CACNA2D3: variants seen among roughly 807,000 people sequenced by gnomAD.
CACNA2D3 encodes the protein calcium voltage-gated channel auxiliary subunit alpha2delta 3.
Under a neutral mutation model 160.6 loss-of-function variants are expected in CACNA2D3, and 60 were observed. The ratio of observed to expected loss-of-function variants is 0.37; its 90% CI spans 0.30 to 0.46. The LOEUF (loss-of-function observed/expected upper bound fraction) is 0.46. Ranked by LOEUF, CACNA2D3 falls within the 20% of genes least tolerant of loss-of-function variation. The pLI is 1.00. For synonymous variants in CACNA2D3, 558 were observed against 492.9 expected (o/e 1.13, Z -1.75); for missense variants, 1,205 against 1,365.0 (o/e 0.88, Z 1.85).
chr3:54,901,073 T>A (rs1198009663), intron 27 of CACNA2D3: 1 of 152,218 alleles, frequency 6.6e-6, no homozygotes, highest in Middle Eastern at 3.2e-3. Flanking sequence ...TCACTTAATG[T>A]CTCATGTTCC....
chr3:54,249,355 G>A (rs961823495), intron 2 of CACNA2D3, among the ~76,000 whole-genome samples: 1 of 152,068 alleles, frequency 6.6e-6, no homozygotes, highest in African/African-American at 2.4e-5. Flanking sequence ...TAATGTGGGT[G>A]GGCCTTGTCT....
intron 2 of CACNA2D3, among the ~76,000 whole-genome samples, chr3:54,318,054 T>C (rs1422326611): frequency 1.3e-5 from 2 of 152,130 alleles, no homozygotes; most frequent in Non-Finnish European, 2.9e-5. Context: ...CATAGGAAAA[T>C]GCAGCTGCAT....
At chr3:54,529,869 A>G (rs182907245) in intron 5 of CACNA2D3, among the ~76,000 whole-genome samples, 82 of 152,190 alleles carry the variant, frequency 5.4e-4, no homozygotes, top group African/African-American at 1.8e-3. Flanking sequence ...GCCATCAGGA[A>G]TTTTAGGAGT....
chr3:54,424,890 C>T (rs896585161), intron 4 of CACNA2D3, among the ~76,000 whole-genome samples: 2 of 152,202 alleles, frequency 1.3e-5, no homozygotes, highest in Non-Finnish European at 2.9e-5. Flanking sequence ...TTCCGATTAC[C>T]ACGTTTCTGC....
chr3:55,009,462 C>A lies in CACNA2D3; in HGVS notation c.2875+19C>A, dbSNP rs746390398. 1.2e-6 allele frequency: 2 copies of A among 1,612,386 alleles called. No homozygotes were observed. Among genetic ancestry groups the A allele is most frequent in the South Asian group, 2.2e-5 (2 of 91,054 alleles). On this transcript the variant is annotated intron_variant, in intron 34 of 37. Coordinates refer to ENST00000474759, the MANE Select transcript of CACNA2D3 (RefSeq NM_018398.3). ...GCTAAAGGTGAGCAGCAACTGGTTT[C>A]TGTTTCCCAGCTTGGAGGGATAAGC...
At chr3:54,723,935 T>G (rs1005561925) in intron 11 of CACNA2D3, among the ~76,000 whole-genome samples, 21 of 152,170 alleles carry the variant, frequency 1.4e-4, no homozygotes, top group Non-Finnish European at 3.1e-4. Context: ...ACCTTAAATG[T>G]AAATGGGCTA....
chr3:54,370,597 G>A (rs1164268957), intron 3 of CACNA2D3, among the ~76,000 whole-genome samples: 1 of 152,130 alleles, frequency 6.6e-6, no homozygotes, highest in African/African-American at 2.4e-5. Context: ...GAGGTGGATT[G>A]TACCCACTAA....
At chr3:54,896,986 A>G in intron 26 of CACNA2D3, 116 bp downstream of exon 26, 2 of 1,335,188 alleles carry the variant, frequency 1.5e-6, no homozygotes, top group Non-Finnish European at 2.1e-6. Flanking sequence ...CAACCCTCAG[A>G]GCCAGTGCTG....
intron 2 of CACNA2D3, among the ~76,000 whole-genome samples, chr3:54,208,493 T>C (rs1422227136): frequency 6.6e-6 from 1 of 152,152 alleles, no homozygotes; most frequent in African/African-American, 2.4e-5. Flanking sequence ...AAGGCACTTA[T>C]GGTATGGAAT....
At chr3:54,783,001 T>C (rs1702563708) in intron 13 of CACNA2D3, among the ~76,000 whole-genome samples, 1 of 152,150 alleles carries the variant, frequency 6.6e-6, no homozygotes, top group South Asian at 2.1e-4. Context: ...TATCTCCATT[T>C]ACTTGATGAG....
At chr3:54,488,324 A>G (rs937707119) in intron 4 of CACNA2D3, among the ~76,000 whole-genome samples, 2 of 152,184 alleles carry the variant, frequency 1.3e-5, no homozygotes, top group African/African-American at 2.4e-5. Flanking sequence ...TCCGAAACCA[A>G]CTGATGAATG....
chr3:54,478,682 C>CTATATATATATATATATA (rs1322068330), intron 4 of CACNA2D3, among the ~76,000 whole-genome samples: 6 of 4,610 alleles, frequency 1.3e-3, no homozygotes, highest in East Asian at 0.01. Context: ...ATATATATTG[C>CTATATATATATATATATA]TTGTCATTCT....
chr3:54,621,413 G>C (rs577526385), intron 9 of CACNA2D3, among the ~76,000 whole-genome samples: 30 of 152,358 alleles, frequency 2.0e-4, no homozygotes, highest in Admixed American at 1.5e-3. Context: ...GGTGGCGCCA[G>C]CGTGGGCTCA....
At chr3:54,149,509 C>T (rs140082027) in intron 2 of CACNA2D3, among the ~76,000 whole-genome samples, 122 of 152,184 alleles carry the variant, frequency 8.0e-4, no homozygotes, top group African/African-American at 2.8e-3. Context: ...CGGAGTGAGG[C>T]GTAGATGAGG....
intron 35 of CACNA2D3, among the ~76,000 whole-genome samples, chr3:55,072,431 TTTTCTTCA>T (rs539125912): frequency 9.9e-5 from 15 of 152,194 alleles, no homozygotes; most frequent in Non-Finnish European, 2.1e-4. Context: ...GCAGAAGAAC[TTTTCTTCA>T]TTGCATGATT....
chr3:54,239,129 G>C (rs1430136214), intron 2 of CACNA2D3, among the ~76,000 whole-genome samples: 1 of 152,216 alleles, frequency 6.6e-6, no homozygotes, highest in Non-Finnish European at 1.5e-5. Context: ...AGGCAGTATT[G>C]TACAGTAATT....
In CACNA2D3 at chr3:55,050,759, G is replaced by C. The variant is rs1458067831; in HGVS notation, c.2988-22686G>C. ...GGTACACCAATCAGACGTAGATTTG[G>C]TCTTTTCACATAGTCCCATATTTCT... is the stretch of plus-strand genomic sequence containing the variant. On this transcript the variant is annotated intron_variant, in intron 35 of 37. Coordinates refer to ENST00000474759, the MANE Select transcript of CACNA2D3 (RefSeq NM_018398.3). 1.5e-5 allele frequency among the ~76,000 whole-genome samples: 2 copies of C among 130,918 alleles called. 1 individual carries two copies. Among genetic ancestry groups the C allele is most frequent in the East Asian group, 4.1e-4 (2 of 4,894 alleles). The allele number at this position is 130,918 out of a possible 152,430, so 85.9% of individuals were successfully genotyped here. A position where few individuals can be genotyped will look rare whatever the true frequency, so the allele number is the denominator to read the frequency against.
intron 9 of CACNA2D3, among the ~76,000 whole-genome samples, chr3:54,613,295 G>T (rs183315682): frequency 1.3e-5 from 2 of 152,260 alleles, no homozygotes; most frequent in Admixed American, 1.3e-4. Context: ...TTCCTGTATT[G>T]GTGTGTCATA....
At chr3:54,420,353 G>A (rs1260830518) in intron 4 of CACNA2D3, among the ~76,000 whole-genome samples, 1 of 152,222 alleles carries the variant, frequency 6.6e-6, no homozygotes, top group East Asian at 1.9e-4. Context: ...AAAGTGCTGG[G>A]AGTACAGGCA....
Sources: allele counts gnomAD v4.1 joint callset (sites outside exome capture counted in the v4.1 genomes callset), GRCh38; gene constraint gnomAD v4.1.1; transcripts MANE v1.5; gene names NCBI Gene and HGNC (gene_info 2026-07-23, HGNC 2026-07-21).